Variants in GNG7 observed in about 807,000 individuals in gnomAD.
GNG7 encodes guanine nucleotide-binding protein G(I)/G(S)/G(O) subunit gamma-7.
GNG7 carries 1 observed loss-of-function variant against 4.0 expected under a neutral mutation model. The ratio of observed to expected loss-of-function variants is 0.25; its 90% CI spans 0.09 to 1.18. The LOEUF is 1.18. GNG7 is among the 50% of genes most tolerant of loss of function. The pLI, the probability that GNG7 is intolerant of heterozygous loss-of-function variation, is 0.50. For missense variants in GNG7, 86 were observed against 91.9 expected, an observed-to-expected ratio of 0.94 and a Z score of 0.26; for synonymous variants, 34 against 36.9, an observed-to-expected ratio of 0.92 and a Z score of 0.29.
In GNG7 at chr19:2,653,428, C is replaced by T. The variant is rs534037674; in HGVS notation, c.-134-7148G>A. 1.0e-3 allele frequency among the ~76,000 whole-genome samples: 159 copies of T among 152,312 alleles called. No individual in the cohort carries two copies. The highest frequency in any genetic ancestry group is 3.4e-3 in the Middle Eastern group (1 of 294). The stretch of plus-strand genomic sequence containing the variant: ...CCCAGGAGGCTGCACACATTGAAAT[C>T]CACATCCTGAGTGGGGCGGAGGGAG... On this transcript the variant is annotated intron_variant, in intron 1 of 4. Transcript: ENST00000382159. This position sits in a 1 kb window ranked among gnomAD's most constrained non-coding sequence, Gnocchi z 4.8.
At chr19:2,568,781 CATACACACAT>C (rs1980047658) in intron 2 of GNG7, among the ~76,000 whole-genome samples, 1 of 133,506 alleles carries the variant, frequency 7.5e-6, no homozygotes. Flanking sequence ...CATAAATACA[CATACACACAT>C]ATACACGCAC....
At chr19:2,575,766 CACACGCAGGCACATGCAG>C (rs1264629630) in intron 2 of GNG7, among the ~76,000 whole-genome samples, 2 of 107,748 alleles carry the variant, frequency 1.9e-5, no homozygotes, top group African/African-American at 1.0e-4. Context: ...GACACGCAGG[CACACGCAGGCACATGCAG>C]ACACGCAGGC....
At chr19:2,637,874 C>G (rs1434146879) in intron 2 of GNG7, among the ~76,000 whole-genome samples, 1 of 150,056 alleles carries the variant, frequency 6.7e-6, no homozygotes, top group Non-Finnish European at 1.5e-5. Flanking sequence ...TCCACGGACC[C>G]CCAAGAGACT....
Position 2,662,280 on chromosome 19 carries a change from A to AAAG in GNG7, c.-134-16001_-134-16000insCTT, listed in dbSNP as rs34389468. 2.2e-4 allele frequency among the ~76,000 whole-genome samples: 32 copies of AAAG among 143,144 alleles called. 2 individuals carry two copies. The highest frequency in any genetic ancestry group is 4.9e-4 in the African/African-American group (19 of 38,690). 93.9% of individuals were successfully genotyped at this position (143,144 alleles called of 152,430 possible). On this transcript the variant is annotated intron_variant, in intron 1 of 4. Transcript: ENST00000382159. ...ATCTCAAAAAAAAAAAAAAAAAAAAATCAACCCAAGATATTTCTGTGACCA... is the reference window on the plus strand; with the variant it reads ...ATCTCAAAAAAAAAAAAAAAAAAAAAAAGTCAACCCAAGATATTTCTGTGACCA...
intron 3 of GNG7, among the ~76,000 whole-genome samples, chr19:2,545,160 C>T (rs1979084223): frequency 6.6e-6 from 1 of 151,668 alleles, no homozygotes; most frequent in South Asian, 2.1e-4. Flanking sequence ...GTAATTCCGT[C>T]CCCCAGGGGA....
At chr19:2,645,881 C>T (rs1400687223) in intron 2 of GNG7, among the ~76,000 whole-genome samples, 3 of 152,186 alleles carry the variant, frequency 2.0e-5, no homozygotes, top group Non-Finnish European at 1.5e-5. Context: ...ACAGGAGATA[C>T]GGGTGAAGGC....
chr19:2,586,115 G>A (rs564510253), intron 2 of GNG7, among the ~76,000 whole-genome samples: 1 of 152,216 alleles, frequency 6.6e-6, no homozygotes, highest in South Asian at 2.1e-4. Flanking sequence ...GTACGATTTT[G>A]ATGATGAAAA....
rs1018478871 is a variant in GNG7, at chr19:2,679,452, G to A, written c.-135+23194C>T. ...CACCCATCCAGGTCACAGCCTCGTA[G>A]TCCATCCCAATCTTTTCAATGACCC... On this transcript the variant is annotated intron_variant, in intron 1 of 4. Coordinates refer to ENST00000382159, the MANE Select transcript of GNG7 (RefSeq NM_052847.3). Among the ~76,000 whole-genome samples the A allele has an allele frequency of 3.3e-5, 5 of 152,210 alleles. No individual in the cohort carries two copies. The East Asian group carries it at 9.6e-4, about 29-fold the overall frequency.
chr19:2,616,108 A>G (rs1287522439), intron 2 of GNG7, among the ~76,000 whole-genome samples: 1 of 152,190 alleles, frequency 6.6e-6, no homozygotes, highest in Non-Finnish European at 1.5e-5. Context: ...CCCAGCATTG[A>G]TTAAACACAG....
Position 2,512,288 on chromosome 19 carries a change from G to C in GNG7, c.*2734C>G. 1 of 985,834 alleles carries C rather than the reference G, an allele frequency of 1.0e-6. No homozygotes were observed. Among genetic ancestry groups the C allele is most frequent in the Non-Finnish European group, 1.2e-6 (1 of 829,942 alleles). The allele number at this position is 985,834 out of a possible 1,614,324, so 61.1% of individuals were successfully genotyped here. On this transcript the variant is annotated 3_prime_UTR_variant, in exon 5 of 5. Coordinates refer to ENST00000382159, the MANE Select transcript of GNG7 (RefSeq NM_052847.3). This position sits in a 1 kb window ranked among gnomAD's most constrained non-coding sequence, Gnocchi z 4.7. Reference sequence around the variant, plus strand: ...CAGAAAAGCACATGTGGCGGTCGGTGTGTGCACTCGGGTGCCACGTCTGCA... The same window carrying C: ...CAGAAAAGCACATGTGGCGGTCGGTCTGTGCACTCGGGTGCCACGTCTGCA...
chr19:2,608,673 T>C (rs1408322966), intron 2 of GNG7, among the ~76,000 whole-genome samples: 2 of 152,116 alleles, frequency 1.3e-5, no homozygotes, highest in African/African-American at 2.4e-5. Flanking sequence ...CAGCAGGGGA[T>C]GCAGATGGCA....
At chr19:2,655,868 A>G (rs1177668619) in intron 1 of GNG7, among the ~76,000 whole-genome samples, 1 of 142,890 alleles carries the variant, frequency 7.0e-6, no homozygotes, top group Non-Finnish European at 1.5e-5. Flanking sequence ...AAATACATAT[A>G]TATATAAATT....
chr19:2,515,379 T>C (rs532299865), intron 4 of GNG7, among the ~76,000 whole-genome samples: 5 of 151,950 alleles, frequency 3.3e-5, no homozygotes, highest in Non-Finnish European at 5.9e-5. Flanking sequence ...GGCCTCATGC[T>C]CAGTGAGAGA....
intron 1 of GNG7, among the ~76,000 whole-genome samples, chr19:2,673,874 T>C (rs952148944): frequency 1.3e-5 from 2 of 152,206 alleles, no homozygotes; most frequent in Non-Finnish European, 2.9e-5. Flanking sequence ...ATATTTCCAA[T>C]ATATTTCAGA....
rs139654424 is a variant in GNG7 at position 2,665,092 on chromosome 19, G to A, written c.-134-18812C>T. On this transcript the variant is annotated intron_variant, in intron 1 of 4. Transcript: ENST00000382159. ...GAGGGAGAGAGGAGGTGAATCCCACGAGCTGGGGTCCCCTGGTTTACACCG... is the reference window on the plus strand; with the variant it reads ...GAGGGAGAGAGGAGGTGAATCCCACAAGCTGGGGTCCCCTGGTTTACACCG... 5.0e-3 allele frequency among the ~76,000 whole-genome samples: 757 copies of A among 151,202 alleles called. 2 individuals are homozygous for A. Among genetic ancestry groups the A allele is most frequent in the African/African-American group, 0.017 (713 of 41,208 alleles).
intron 2 of GNG7, among the ~76,000 whole-genome samples, chr19:2,638,349 G>C (rs546584255): frequency 1.4e-5 from 2 of 145,730 alleles, no homozygotes; most frequent in Non-Finnish European, 3.0e-5. Flanking sequence ...GTGACAGAGC[G>C]AGACTCTGTC....
intron 2 of GNG7, 98 bp from the exon 3 acceptor site, chr19:2,555,286 C>G (rs1979508703): frequency 6.6e-6 from 1 of 152,166 alleles, no homozygotes; most frequent in African/African-American, 2.4e-5. Flanking sequence ...CGGAGAACGA[C>G]GTTGCTGTCC....
Position 2,514,792 on chromosome 19 carries a change from C to T in GNG7, c.*230G>A, listed in dbSNP as rs545460068. 27 of 427,934 alleles carry T rather than the reference C, an allele frequency of 6.3e-5. No individual in the cohort carries two copies. Among genetic ancestry groups the T allele is most frequent in the Middle Eastern group, 6.7e-4 (1 of 1,496 alleles). The allele number at this position is 427,934 out of a possible 1,614,324, so 26.5% of individuals were successfully genotyped here. ...GCCCAAACTGAGAGGGCCATGGGGTCGGACCTGAAAATTCATCTCCACCTA... is the reference window on the plus strand; with the variant it reads ...GCCCAAACTGAGAGGGCCATGGGGTTGGACCTGAAAATTCATCTCCACCTA... On this transcript the variant is annotated 3_prime_UTR_variant, in exon 5 of 5. Coordinates refer to ENST00000382159, the MANE Select transcript of GNG7 (RefSeq NM_052847.3).
At chr19:2,533,610 T>C (rs931948174) in intron 3 of GNG7, among the ~76,000 whole-genome samples, 1 of 152,166 alleles carries the variant, frequency 6.6e-6, no homozygotes, top group African/African-American at 2.4e-5. Context: ...CAAACAAAAG[T>C]TGCCAGAGGA....
Sources: allele counts gnomAD v4.1 joint callset (sites outside exome capture counted in the v4.1 genomes callset), GRCh38; gene constraint gnomAD v4.1.1; non-coding constraint Gnocchi (gnomAD v3.1); transcripts MANE v1.5; gene names NCBI Gene and HGNC (gene_info 2026-07-23, HGNC 2026-07-21).